The following SNTG1 variants were observed in gnomAD, a reference collection of about 807,000 sequenced individuals.
SNTG1 encodes syntrophin gamma 1, also known as gamma-1-syntrophin.
A neutral mutation model predicts 74.7 loss-of-function variants in SNTG1; 39 were observed. The observed-to-expected ratio is 0.52, with a 90% CI of 0.40 to 0.68. The LOEUF (loss-of-function observed/expected upper bound fraction) is 0.68. Among genes scored for constraint, SNTG1 ranks in the 30% least tolerant of loss-of-function variants. The pLI, the probability that SNTG1 is intolerant of heterozygous loss-of-function variation, is 0.00. For synonymous variants in SNTG1, 254 were observed against 217.1 expected (o/e 1.17, Z -1.49); for missense variants, 685 against 609.5 (o/e 1.12, Z -1.30).
At chr8:50,004,685 C>G (rs1240672286) in intron 1 of SNTG1, among the ~76,000 whole-genome samples, 1 of 152,188 alleles carries the variant, frequency 6.6e-6, no homozygotes, top group African/African-American at 2.4e-5. Flanking sequence ...TGTGGTCCAA[C>G]AATTTCTATG....
chr8:49,995,285 T>C (rs1814099214), intron 1 of SNTG1, among the ~76,000 whole-genome samples: 1 of 152,162 alleles, frequency 6.6e-6, no homozygotes, highest in African/African-American at 2.4e-5. Context: ...TGTGGGAGTT[T>C]AGATTAATGT....
chr8:49,978,238 GGAGAGAGGGAGA>G (rs2130086614), intron 1 of SNTG1, among the ~76,000 whole-genome samples: 1 of 151,844 alleles, frequency 6.6e-6, no homozygotes, highest in South Asian at 2.1e-4. Flanking sequence ...AGAGAGCGGG[GGAGAGAGGGAGA>G]GAGAGAGAGA....
At chr8:50,562,234 A>AATT (rs2094492719) in intron 12 of SNTG1, among the ~76,000 whole-genome samples, 1 of 152,252 alleles carries the variant, frequency 6.6e-6, no homozygotes, top group African/African-American at 2.4e-5. Context: ...AACCTGTGAC[A>AATT]ATTCCATGTC....
At chr8:50,573,695 T>C (rs1260475695) in intron 12 of SNTG1, among the ~76,000 whole-genome samples, 1 of 151,878 alleles carries the variant, frequency 6.6e-6, no homozygotes, top group East Asian at 1.9e-4. Context: ...ATTTGTAATA[T>C]ATGCATTCCA....
intron 2 of SNTG1, 29 bp from the exon 3 acceptor site, chr8:50,394,183 A>G: frequency 6.3e-7 from 1 of 1,590,442 alleles, no homozygotes; most frequent in Non-Finnish European, 8.6e-7. Flanking sequence ...TGCTGTGCCT[A>G]ATGGCTTACC....
rs1208650640 is a variant in SNTG1 at position 50,793,443 on chromosome 8, T to C, written c.*614T>C. 6.6e-6 allele frequency: 1 copy of C among 151,970 alleles called. No individual in the cohort carries two copies. Among genetic ancestry groups the C allele is most frequent in the Non-Finnish European group, 1.5e-5 (1 of 67,912 alleles). The allele number at this position is 151,970 out of a possible 1,614,324, so 9.4% of individuals were successfully genotyped here. ...AATATTCCGAAGAACTTCCAAAGGATAATTACATTGACCCATGATAGATAC... is the reference window on the plus strand; with the variant it reads ...AATATTCCGAAGAACTTCCAAAGGACAATTACATTGACCCATGATAGATAC... On this transcript the variant is annotated 3_prime_UTR_variant, in exon 19 of 19. Coordinates refer to ENST00000642720, the MANE Select transcript of SNTG1 (RefSeq NM_018967.5).
chr8:50,789,608 G>C (rs1368490919), intron 18 of SNTG1, among the ~76,000 whole-genome samples: 6 of 151,884 alleles, frequency 4.0e-5, no homozygotes, highest in Admixed American at 2.6e-4. Context: ...TTCCAAACCT[G>C]CTTTTCCCAT....
chr8:50,620,986 A>AGAGCAAG (rs2094919188), intron 13 of SNTG1, among the ~76,000 whole-genome samples: 1 of 152,186 alleles, frequency 6.6e-6, no homozygotes, highest in Non-Finnish European at 1.5e-5. Context: ...ATTTGCCATC[A>AGAGCAAG]GAGCAAGGGG....
At chr8:50,688,338 A>T (rs1048894649) in intron 15 of SNTG1, among the ~76,000 whole-genome samples, 52 of 152,246 alleles carry the variant, frequency 3.4e-4, no homozygotes, top group African/African-American at 1.2e-3. Flanking sequence ...GCCCATGCCT[A>T]TGTCCTGAAT....
intron 1 of SNTG1, among the ~76,000 whole-genome samples, chr8:49,965,660 GC>G (rs1258018969): frequency 1.3e-5 from 2 of 152,008 alleles, no homozygotes; most frequent in Non-Finnish European, 2.9e-5. Context: ...AACCTCTCTA[GC>G]CCCATCAGAA....
At chr8:50,782,141 T>G (rs1200137025) in intron 18 of SNTG1, among the ~76,000 whole-genome samples, 1 of 152,210 alleles carries the variant, frequency 6.6e-6, no homozygotes, top group Non-Finnish European at 1.5e-5. Flanking sequence ...CATAACATTT[T>G]TTCCTTCATT....
intron 1 of SNTG1, among the ~76,000 whole-genome samples, chr8:49,981,955 T>G (rs1306055466): frequency 2.0e-5 from 3 of 152,136 alleles, no homozygotes; most frequent in Non-Finnish European, 1.5e-5. Flanking sequence ...GGTGTGAATA[T>G]TATTAATTTT....
At chr8:50,778,172 T>G (rs2095646934) in intron 18 of SNTG1, among the ~76,000 whole-genome samples, 1 of 152,232 alleles carries the variant, frequency 6.6e-6, no homozygotes, top group South Asian at 2.1e-4. Flanking sequence ...TACGTGTGCA[T>G]GTATTTTTAT....
intron 1 of SNTG1, among the ~76,000 whole-genome samples, chr8:50,129,796 T>C (rs2081260925): frequency 6.6e-6 from 1 of 152,134 alleles, no homozygotes; most frequent in African/African-American, 2.4e-5. Flanking sequence ...CAGAGTAATT[T>C]CATTTTATTA....
intron 13 of SNTG1, among the ~76,000 whole-genome samples, chr8:50,626,630 C>A (rs2094958206): frequency 6.6e-6 from 1 of 152,220 alleles, no homozygotes; most frequent in Admixed American, 6.5e-5. Flanking sequence ...GGCTAGTTAC[C>A]TGCAGCAGGA....
intron 18 of SNTG1, among the ~76,000 whole-genome samples, chr8:50,787,079 C>T (rs1024254066): frequency 6.6e-6 from 1 of 151,660 alleles, no homozygotes. Flanking sequence ...ATTTTCAAAT[C>T]ATTTATCTGT....
At chr8:50,455,313 G>A (rs2131646111) in intron 8 of SNTG1, among the ~76,000 whole-genome samples, 1 of 152,228 alleles carries the variant, frequency 6.6e-6, no homozygotes, top group Non-Finnish European at 1.5e-5. Flanking sequence ...TCTGCTTTCA[G>A]ACTTGAGATT....
intron 2 of SNTG1, among the ~76,000 whole-genome samples, chr8:50,236,268 A>G (rs2085889076): frequency 1.3e-5 from 2 of 152,186 alleles, no homozygotes; most frequent in Admixed American, 1.3e-4. Flanking sequence ...TTTTGAATAG[A>G]AAATAGACTA....
chr8:49,977,288 AT>A (rs1272561462), intron 1 of SNTG1, among the ~76,000 whole-genome samples: 5 of 152,110 alleles, frequency 3.3e-5, no homozygotes, highest in African/African-American at 1.2e-4. Flanking sequence ...TTTTTCAGAA[AT>A]TAAAAAAACA....
Sources: gnomAD v4.1 joint callset for allele counts (sites outside exome capture counted in the v4.1 genomes callset) on GRCh38, gnomAD v4.1.1 for gene constraint, MANE v1.5 for transcripts, NCBI Gene and HGNC (gene_info 2026-07-23, HGNC 2026-07-21) for gene names.